ADGRD1: variants seen among roughly 807,000 people sequenced by gnomAD.
ADGRD1 encodes the protein G-protein coupled receptor 133.
A neutral mutation model predicts 113.4 loss-of-function variants in ADGRD1; 77 were observed. The observed-to-expected ratio is 0.68, with a 90% CI of 0.57 to 0.82. The LOEUF (loss-of-function observed/expected upper bound fraction) is 0.82. ADGRD1 is among the 40% of genes least tolerant of loss of function. The probability of loss-of-function intolerance (pLI) is 0.00; values close to 1 mark genes in which losing one functional copy is unlikely to be tolerated. For missense variants in ADGRD1, 1,036 were observed against 1,139.1 expected (o/e 0.91, Z 1.30); for synonymous variants, 474 against 475.0 (o/e 1.00, Z 0.03).
intron 5 of ADGRD1, among the ~76,000 whole-genome samples, chr12:130,985,343 A>G (rs1330704488): frequency 6.6e-6 from 1 of 152,150 alleles, no homozygotes; most frequent in Non-Finnish European, 1.5e-5. Context: ...TCTTTCACAG[A>G]GCAGACATTT....
At chr12:130,998,496 G>A (rs569852861) in intron 8 of ADGRD1, among the ~76,000 whole-genome samples, 3 of 151,396 alleles carry the variant, frequency 2.0e-5, no homozygotes, top group Non-Finnish European at 4.4e-5. Context: ...ATGGAGTCTC[G>A]CTCTGTCACC....
chr12:130,989,355 A>G (rs923160310), intron 6 of ADGRD1: 1 of 152,250 alleles, frequency 6.6e-6, no homozygotes, highest in Non-Finnish European at 1.5e-5. Context: ...TCATCGCCAG[A>G]ACCAGAACTG....
intron 13 of ADGRD1, among the ~76,000 whole-genome samples, chr12:131,038,020 AGCCTCACTCACTACACCAG>A (rs1794520183): frequency 7.2e-6 from 1 of 139,282 alleles, no homozygotes; most frequent in Non-Finnish European, 1.6e-5. Flanking sequence ...CACTGCATGG[AGCCTCACTCACTACACCAG>A]GCCTCACTCA....
At chr12:130,957,309 A>G (rs1195756) in intron 2 of ADGRD1, 133,543 of 152,522 alleles carry the variant, frequency 0.88, 58,547 homozygotes, top group East Asian at 0.99. Flanking sequence ...GCATACACGT[A>G]CACACATTCA....
chr12:131,089,115 A>G (rs1886718755), intron 15 of ADGRD1, among the ~76,000 whole-genome samples: 1 of 152,150 alleles, frequency 6.6e-6, no homozygotes, highest in Non-Finnish European at 1.5e-5. Context: ...ACTGTTACCA[A>G]ATCTGAGGAT....
At chr12:131,077,038 A>C (rs1885677160) in intron 14 of ADGRD1, among the ~76,000 whole-genome samples, 164 bp downstream of exon 14, 1 of 152,196 alleles carries the variant, frequency 6.6e-6, no homozygotes. Context: ...GCCTGGTGGC[A>C]GTGCTGGGTG....
At chr12:131,014,152 G>T in intron 12 of ADGRD1, 47 bp from the exon 13 acceptor site, 1 of 1,591,110 alleles carries the variant, frequency 6.3e-7, no homozygotes, top group South Asian at 1.1e-5. Context: ...GCTGTGTGCT[G>T]CTCCCCTGCG....
At chr12:131,026,569 T>C (rs1023206729) in intron 13 of ADGRD1, 4 of 152,398 alleles carry the variant, frequency 2.6e-5, no homozygotes, top group African/African-American at 9.6e-5. Flanking sequence ...CTTTGGCCTT[T>C]TGAAGTTGGC....
At chr12:130,994,178 T>G in intron 8 of ADGRD1, 1 of 397,284 alleles carries the variant, frequency 2.5e-6, no homozygotes. Flanking sequence ...GGGTGTTGGG[T>G]GGAAAGAGCG....
chr12:131,066,198 C>A (rs769560174), intron 13 of ADGRD1, among the ~76,000 whole-genome samples: 2 of 152,218 alleles, frequency 1.3e-5, no homozygotes, highest in African/African-American at 2.4e-5. Context: ...GTGACCGCTA[C>A]AAGATTTGAA....
chr12:131,052,528 G>A (rs1468126359), intron 13 of ADGRD1, among the ~76,000 whole-genome samples: 2 of 152,212 alleles, frequency 1.3e-5, no homozygotes, highest in Non-Finnish European at 2.9e-5. Context: ...CTGGAGGTCT[G>A]CAACCAGGCA....
Position 131,113,548 on chromosome 12 carries a change from C to T in ADGRD1, c.2041+4671C>T, listed in dbSNP as rs754018302. ...CTTTGTTATGCAAGTAGCAGGTAAA[C>T]AGGCTTACTTTGTGCTTTGAGTTGG... is the stretch of plus-strand genomic sequence containing the variant. On this transcript the variant is annotated intron_variant, in intron 18 of 24. Coordinates refer to ENST00000261654, the MANE Select transcript of ADGRD1 (RefSeq NM_198827.5). The surrounding 1 kb of genome is among the most constrained non-coding windows in gnomAD (Gnocchi z 4.9). Among the ~76,000 whole-genome samples, 5 of 152,210 alleles carry T rather than the reference C, an allele frequency of 3.3e-5. No homozygotes were observed. Among genetic ancestry groups the T allele is most frequent in the Non-Finnish European group, 7.4e-5 (5 of 68,024 alleles).
rs186688026 is a variant in ADGRD1, at chr12:131,044,690, C to G, written c.1473+30350C>G. 4.6e-5 allele frequency among the ~76,000 whole-genome samples: 7 copies of G among 152,316 alleles called. No homozygotes were observed. In the East Asian group the frequency reaches 1.2e-3, roughly 25 times the overall value. On this transcript the variant is annotated intron_variant, in intron 13 of 24. Coordinates refer to ENST00000261654, the MANE Select transcript of ADGRD1 (RefSeq NM_198827.5). ...CCACGGCTGTCCTTCCAGATTTCCC[C>G]TCGTGTTTAGATTTGCACCCATTGG...
At chr12:131,033,124 G>T (rs2136938186) in intron 13 of ADGRD1, among the ~76,000 whole-genome samples, 1 of 152,332 alleles carries the variant, frequency 6.6e-6, no homozygotes, top group Non-Finnish European at 1.5e-5. Flanking sequence ...GCAGTGCCCT[G>T]GGTCTCCTGC....
At chr12:131,010,857 C>T (rs916942596) in intron 12 of ADGRD1, among the ~76,000 whole-genome samples, 6 of 152,160 alleles carry the variant, frequency 3.9e-5, no homozygotes, top group Admixed American at 1.3e-4. Flanking sequence ...TGGCTTTCCC[C>T]GGGCAGAGAT....
At position 130,966,418 on chromosome 12, in the gene ADGRD1, T is replaced by C; in HGVS notation, c.104-45T>C. ...AAGCGGTTCTTACCCTCTGGTTCTT[T>C]CCTCTCTAATGATGATTTAAAATTT... On this transcript the variant is annotated intron_variant, in intron 2 of 24. Coordinates refer to ENST00000261654, the MANE Select transcript of ADGRD1 (RefSeq NM_198827.5). The surrounding 1 kb of genome is among the most constrained non-coding windows in gnomAD (Gnocchi z 4.6). 2 of 1,271,014 alleles carry C rather than the reference T, an allele frequency of 1.6e-6. No homozygotes were observed. The highest frequency in any genetic ancestry group is 2.4e-5 in the South Asian group (2 of 84,162). 78.7% of individuals were successfully genotyped at this position (1,271,014 alleles called of 1,614,324 possible). A position where few individuals can be genotyped will look rare whatever the true frequency, so the allele number is the denominator to read the frequency against.
intron 18 of ADGRD1, among the ~76,000 whole-genome samples, chr12:131,115,614 C>T (rs1289473843): frequency 3.9e-5 from 6 of 152,176 alleles, no homozygotes; most frequent in Non-Finnish European, 7.3e-5. Context: ...AGGACAGCAC[C>T]GGTCTGGTCC....
chr12:130,981,551 TG>T (rs1310657886), intron 4 of ADGRD1, among the ~76,000 whole-genome samples: 1 of 152,134 alleles, frequency 6.6e-6, no homozygotes, highest in Non-Finnish European at 1.5e-5. Flanking sequence ...GGGAACTGCC[TG>T]GGGCTGCAGC....
In ADGRD1 at chr12:131,105,827, G is replaced by A. The variant is rs778792179; in HGVS notation, c.1849G>A (p.Val617Ile). Residue 617 changes from valine (V) to isoleucine (I), a missense_variant, in exon 17 of 25, where the codon GTC becomes ATC. Transcript: ENST00000261654. ...NLSFAVLVAQ[V>I]LLLISFRLEP... Reference sequence around the variant, plus strand: ...GTCCTTCGCCGTGCTGGTGGCCCAGGTCCTGCTGCTCATTAGTTTCCGCCT... The same window carrying A: ...GTCCTTCGCCGTGCTGGTGGCCCAGATCCTGCTGCTCATTAGTTTCCGCCT... 24 of 1,600,564 alleles carry A rather than the reference G, an allele frequency of 1.5e-5. No individual in the cohort carries two copies. Among genetic ancestry groups the A allele is most frequent in the Non-Finnish European group, 2.0e-5 (24 of 1,179,906 alleles).
Sources: gnomAD v4.1 joint callset for allele counts (sites outside exome capture counted in the v4.1 genomes callset) on GRCh38, gnomAD v4.1.1 for gene constraint, Gnocchi (gnomAD v3.1) non-coding constraint, MANE v1.5 for transcripts, NCBI Gene and HGNC (gene_info 2026-07-23, HGNC 2026-07-21) for gene names.